MYO1B: variants seen among roughly 807,000 people sequenced by gnomAD.
The protein encoded by MYO1B is unconventional myosin-Ib.
Under a neutral mutation model 159.7 loss-of-function variants are expected in MYO1B, and 72 were observed. That is an observed-to-expected ratio of 0.45 (90% confidence interval 0.37 to 0.55). The LOEUF (loss-of-function observed/expected upper bound fraction) is 0.55. Ranked by LOEUF, MYO1B falls within the 20% of genes least tolerant of loss-of-function variation. MYO1B has a pLI of 0.00. For missense variants in MYO1B, 1,062 were observed against 1,364.8 expected, an observed-to-expected ratio of 0.78 and a Z score of 3.50; for synonymous variants, 468 against 473.8, an observed-to-expected ratio of 0.99 and a Z score of 0.16.
At chr2:191,348,458 A>G (rs975142406) in intron 6 of MYO1B, among the ~76,000 whole-genome samples, 3 of 152,184 alleles carry the variant, frequency 2.0e-5, no homozygotes, top group Non-Finnish European at 4.4e-5. Context: ...CCCCTCTTAC[A>G]TGGTCAACCT....
At chr2:191,403,650 C>T (rs1001681239) in intron 24 of MYO1B, among the ~76,000 whole-genome samples, 1 of 152,162 alleles carries the variant, frequency 6.6e-6, no homozygotes, top group Non-Finnish European at 1.5e-5. Flanking sequence ...CTGCTTTGAA[C>T]AATCTGCATT....
intron 15 of MYO1B, 152 bp from the exon 16 acceptor site, chr2:191,385,732 C>T: frequency 1.3e-6 from 1 of 796,752 alleles, no homozygotes; most frequent in Non-Finnish European, 2.0e-6. Context: ...ATTCCTGTGG[C>T]TTTTGTTATT....
intron 3 of MYO1B, among the ~76,000 whole-genome samples, chr2:191,303,680 A>G (rs931534220): frequency 6.7e-5 from 10 of 150,266 alleles, no homozygotes; most frequent in African/African-American, 7.3e-5. Flanking sequence ...AAAAGGGAAG[A>G]GCAGAGGAAG....
At chr2:191,296,757 T>TA (rs1689007635) in intron 3 of MYO1B, among the ~76,000 whole-genome samples, 2 of 152,354 alleles carry the variant, frequency 1.3e-5, no homozygotes, top group South Asian at 4.1e-4. Flanking sequence ...CTTGTTAGTG[T>TA]AAATAATTCC....
At chr2:191,415,649 G>A (rs892432319) in intron 29 of MYO1B, among the ~76,000 whole-genome samples, 1 of 151,548 alleles carries the variant, frequency 6.6e-6, no homozygotes, top group Non-Finnish European at 1.5e-5. Context: ...CACAGCTAAG[G>A]CTGAGAGCCA....
rs575931348 is a variant in MYO1B at position 191,290,126 on chromosome 2, A to G, written c.136-5985A>G. On this transcript the variant is annotated intron_variant, in intron 2 of 30. Transcript: ENST00000392318. ...CCCTACGTTCCCAATTAGTGCCATA[A>G]TAAAGCAGTCAGGGCCGGCTAAGCC... Among the ~76,000 whole-genome samples, 74 of 152,350 alleles carry G rather than the reference A, an allele frequency of 4.9e-4. 1 individual carries two copies. Among genetic ancestry groups the G allele is most frequent in the African/African-American group, 1.7e-3 (71 of 41,580 alleles).
In MYO1B at chr2:191,290,959, T is replaced by TACAG. The variant is rs1231998652; in HGVS notation, c.136-5148_136-5145dup. Among the ~76,000 whole-genome samples the TACAG allele has an allele frequency of 3.3e-5, 5 of 152,332 alleles. No individual in the cohort carries two copies. The South Asian group carries it at 1.0e-3, about 32-fold the overall frequency. On this transcript the variant is annotated intron_variant, in intron 2 of 30. Transcript: ENST00000392318. ...TCCTGTGAGTCTGGAAGGGAAGGGCTACAGACATTGGTTTTCAACCCTGGT... is the reference window on the plus strand; with the variant it reads ...TCCTGTGAGTCTGGAAGGGAAGGGCTACAGACAGACATTGGTTTTCAACCCTGGT...
intron 5 of MYO1B, among the ~76,000 whole-genome samples, chr2:191,344,778 C>G (rs1475053453): frequency 7.4e-6 from 1 of 134,710 alleles, no homozygotes. Context: ...TGCAGTGAGC[C>G]GAGATCCCGC....
At chr2:191,402,778 A>G in intron 24 of MYO1B, 60 bp downstream of exon 24, 1 of 1,282,386 alleles carries the variant, frequency 7.8e-7, no homozygotes, top group Non-Finnish European at 1.1e-6. Flanking sequence ...AGCACCTACT[A>G]ACCCTGAGAA....
At chr2:191,333,514 A>G (rs192034261) in intron 4 of MYO1B, among the ~76,000 whole-genome samples, 25 of 152,288 alleles carry the variant, frequency 1.6e-4, no homozygotes, top group African/African-American at 5.1e-4. Context: ...GCTCTAGAAT[A>G]TATCTCATAC....
At chr2:191,423,499 C>T (rs574645923) in intron 30 of MYO1B, among the ~76,000 whole-genome samples, 2 of 152,252 alleles carry the variant, frequency 1.3e-5, no homozygotes, top group African/African-American at 2.4e-5. Context: ...AGAGCTATGA[C>T]GTCACTAAGC....
At chr2:191,405,909 A>G (rs1696889507) in intron 24 of MYO1B, among the ~76,000 whole-genome samples, 1 of 152,240 alleles carries the variant, frequency 6.6e-6, no homozygotes. Flanking sequence ...ATTCTTTAAC[A>G]AGAGAATCAA....
intron 9 of MYO1B, among the ~76,000 whole-genome samples, chr2:191,362,886 T>C (rs1693763107): frequency 6.6e-6 from 1 of 152,240 alleles, no homozygotes; most frequent in African/African-American, 2.4e-5. Flanking sequence ...AACTGGGATT[T>C]ACTTGCAAGT....
At chr2:191,417,965 G>A (rs915596442) in intron 30 of MYO1B, among the ~76,000 whole-genome samples, 1 of 152,230 alleles carries the variant, frequency 6.6e-6, no homozygotes, top group Non-Finnish European at 1.5e-5. Flanking sequence ...GTCACAGAGG[G>A]CGTGTGATGT....
At chr2:191,391,234 G>T (rs1217225195) in intron 18 of MYO1B, among the ~76,000 whole-genome samples, 1 of 152,200 alleles carries the variant, frequency 6.6e-6, no homozygotes, top group African/African-American at 2.4e-5. Flanking sequence ...ACTGCTGGAG[G>T]GCTGACATGC....
At chr2:191,285,453 A>G (rs1374051458) in intron 2 of MYO1B, among the ~76,000 whole-genome samples, 3 of 152,204 alleles carry the variant, frequency 2.0e-5, no homozygotes, top group African/African-American at 7.2e-5. Context: ...GTCGGCAGCC[A>G]CGGTTTGCGG....
chr2:191,417,604 T>C (rs1287593914), intron 30 of MYO1B, among the ~76,000 whole-genome samples: 1 of 152,192 alleles, frequency 6.6e-6, no homozygotes, highest in African/African-American at 2.4e-5. Flanking sequence ...AACTCATCTT[T>C]ACACAGAAAG....
intron 3 of MYO1B, 139 bp downstream of exon 3, chr2:191,296,365 A>G (rs986963275): frequency 2.7e-5 from 9 of 336,522 alleles, no homozygotes; most frequent in Non-Finnish European, 4.2e-5. Context: ...AAGTATGAAG[A>G]CTTTAATTGT....
intron 3 of MYO1B, among the ~76,000 whole-genome samples, chr2:191,312,960 G>A (rs1396548458): frequency 6.6e-6 from 1 of 152,140 alleles, no homozygotes; most frequent in Non-Finnish European, 1.5e-5. Context: ...TTTATAGTCT[G>A]AGTGTGTTTG....
Sources: gnomAD v4.1 joint callset for allele counts (sites outside exome capture counted in the v4.1 genomes callset) on GRCh38, gnomAD v4.1.1 for gene constraint, MANE v1.5 for transcripts, NCBI Gene and HGNC (gene_info 2026-07-23, HGNC 2026-07-21) for gene names.